Variants in PTPRD observed in about 807,000 individuals in gnomAD.
The protein encoded by PTPRD is protein tyrosine phosphatase receptor type D.
A neutral mutation model predicts 214.5 loss-of-function variants in PTPRD; 34 were observed. That is an observed-to-expected ratio of 0.16 (90% confidence interval 0.12 to 0.21). The LOEUF (loss-of-function observed/expected upper bound fraction) is 0.21. Ranked by LOEUF, PTPRD falls within the 10% of genes least tolerant of loss-of-function variation. PTPRD has a pLI of 1.00. For missense variants in PTPRD, 2,545 were observed against 2,398.7 expected, an observed-to-expected ratio of 1.06 and a Z score of -1.27; for synonymous variants, 1,128 against 845.7, an observed-to-expected ratio of 1.33 and a Z score of -5.79.
intron 5 of PTPRD, among the ~76,000 whole-genome samples, chr9:9,854,643 C>T (rs1346256942): frequency 2.6e-5 from 4 of 151,882 alleles, no homozygotes; most frequent in Non-Finnish European, 1.5e-5. Context: ...TGATGCCCAC[C>T]ATATTTTTAC....
intron 5 of PTPRD, among the ~76,000 whole-genome samples, chr9:9,907,471 T>TTGTC (rs1203635202): frequency 6.6e-6 from 1 of 151,948 alleles, no homozygotes; most frequent in African/African-American, 2.4e-5. Context: ...TTGACCATGG[T>TTGTC]TGTCTTCTTA....
At chr9:8,755,219 A>ATT (rs2093889289) in intron 11 of PTPRD, among the ~76,000 whole-genome samples, 1 of 137,570 alleles carries the variant, frequency 7.3e-6, no homozygotes, top group African/African-American at 2.8e-5. Context: ...TGTTATTATT[A>ATT]AAAAAAAAAA....
At chr9:8,735,292 C>T (rs2089987573) in intron 11 of PTPRD, among the ~76,000 whole-genome samples, 1 of 151,620 alleles carries the variant, frequency 6.6e-6, no homozygotes, top group South Asian at 2.1e-4. Flanking sequence ...TACAGGTGCC[C>T]ACCACCATGC....
intron 11 of PTPRD, among the ~76,000 whole-genome samples, chr9:8,973,202 C>T (rs1326279360): frequency 6.6e-6 from 1 of 151,688 alleles, no homozygotes; most frequent in African/African-American, 2.4e-5. Context: ...GTTTTTCAAC[C>T]CACTCCCTCC....
At chr9:10,553,218 G>A (rs2061734900) in intron 2 of PTPRD, among the ~76,000 whole-genome samples, 1 of 152,114 alleles carries the variant, frequency 6.6e-6, no homozygotes, top group Non-Finnish European at 1.5e-5. Context: ...AGTAATAATT[G>A]CATGTGGAAG....
intron 36 of PTPRD, among the ~76,000 whole-genome samples, chr9:8,393,049 G>A (rs2090095788): frequency 1.3e-5 from 2 of 152,100 alleles, no homozygotes; most frequent in Admixed American, 6.6e-5. Flanking sequence ...CTTTCCAAAT[G>A]TTTTGGTGCC....
chr9:9,816,812 A>C (rs956444833), intron 5 of PTPRD, among the ~76,000 whole-genome samples: 1 of 152,012 alleles, frequency 6.6e-6, no homozygotes, highest in South Asian at 2.1e-4. Flanking sequence ...AAAATCCTTC[A>C]ATAGTAAGAG....
At position 10,104,316 on chromosome 9, in the gene PTPRD, T is replaced by C. The variant is rs528566003; in HGVS notation, c.-544-70526A>G. On this transcript the variant is annotated intron_variant, in intron 3 of 45. Transcript: ENST00000381196. ...GTATAGTTACAAATGGTTAAGGTGA[T>C]AAATTTTATGTTATATATATACATT... Among the ~76,000 whole-genome samples the C allele has an allele frequency of 2.0e-5, 3 of 151,916 alleles. No homozygotes were observed. The South Asian group carries it at 6.2e-4, about 31-fold the overall frequency.
chr9:9,029,466 T>C (rs2099597675), intron 10 of PTPRD, among the ~76,000 whole-genome samples: 1 of 148,896 alleles, frequency 6.7e-6, no homozygotes, highest in Admixed American at 6.8e-5. Flanking sequence ...GGTAGCAGTG[T>C]ACACTTTTTT....
At chr9:10,029,063 C>T (rs1356219690) in intron 4 of PTPRD, among the ~76,000 whole-genome samples, 3 of 152,182 alleles carry the variant, frequency 2.0e-5, no homozygotes, top group Non-Finnish European at 2.9e-5. Context: ...GAGCTCAGGC[C>T]ATGGCTTCAG....
intron 4 of PTPRD, among the ~76,000 whole-genome samples, chr9:10,027,665 C>T (rs572116027): frequency 6.4e-4 from 97 of 152,134 alleles, no homozygotes; most frequent in African/African-American, 2.2e-3. Flanking sequence ...GAGCATTGAA[C>T]TTGTCATGGT....
intron 5 of PTPRD, among the ~76,000 whole-genome samples, chr9:9,862,845 T>C (rs1320791524): frequency 1.3e-5 from 2 of 152,220 alleles, no homozygotes; most frequent in East Asian, 1.9e-4. Flanking sequence ...TCTTTCTGTA[T>C]ACATTCTATT....
chr9:9,672,947 T>A (rs182077918), intron 7 of PTPRD, among the ~76,000 whole-genome samples: 1 of 152,030 alleles, frequency 6.6e-6, no homozygotes, highest in African/African-American at 2.4e-5. Context: ...CTAGCGTAAA[T>A]CTGTTATAAA....
intron 12 of PTPRD, among the ~76,000 whole-genome samples, chr9:8,711,967 G>A (rs181945152): frequency 4.2e-4 from 64 of 152,284 alleles, no homozygotes; most frequent in East Asian, 3.7e-3. Flanking sequence ...TACATATTGC[G>A]GCAGTGTGAG....
intron 3 of PTPRD, among the ~76,000 whole-genome samples, chr9:10,285,087 A>T (rs187284314): frequency 6.6e-5 from 10 of 152,290 alleles, no homozygotes; most frequent in Admixed American, 2.0e-4. Flanking sequence ...TTTACTTTTA[A>T]TTGGTCTAAT....
intron 4 of PTPRD, among the ~76,000 whole-genome samples, chr9:9,939,131 A>C (rs2090608041): frequency 6.6e-6 from 1 of 152,150 alleles, no homozygotes; most frequent in South Asian, 2.1e-4. Context: ...ACACTGATAA[A>C]GAACACTGAT....
chr9:8,360,946 A>T (rs1588651282), intron 39 of PTPRD, among the ~76,000 whole-genome samples: 1 of 152,328 alleles, frequency 6.6e-6, no homozygotes, highest in African/African-American at 2.4e-5. Context: ...ATCAATTAAT[A>T]ATCCATGATT....
intron 25 of PTPRD, among the ~76,000 whole-genome samples, 155 bp from the exon 26 acceptor site, chr9:8,497,423 A>G (rs1330122584): frequency 1.3e-5 from 2 of 152,194 alleles, no homozygotes; most frequent in Admixed American, 6.5e-5. Flanking sequence ...ATTTGCTGCC[A>G]CCTCCACCTC....
At chr9:8,873,061 G>A (rs1375232227) in intron 11 of PTPRD, among the ~76,000 whole-genome samples, 2 of 152,238 alleles carry the variant, frequency 1.3e-5, no homozygotes, top group African/African-American at 4.8e-5. Context: ...TGTGTACAGT[G>A]TTACTGCAGC....
Sources: allele counts gnomAD v4.1 joint callset (sites outside exome capture counted in the v4.1 genomes callset), GRCh38; gene constraint gnomAD v4.1.1; transcripts MANE v1.5; gene names NCBI Gene and HGNC (gene_info 2026-07-23, HGNC 2026-07-21).